CACNA1H: variants seen among roughly 807,000 people sequenced by gnomAD.
CACNA1H encodes voltage-dependent T-type calcium channel subunit alpha-1H.
A neutral mutation model predicts 192.5 loss-of-function variants in CACNA1H; 149 were observed. That is an observed-to-expected ratio of 0.77 (90% CI 0.68 to 0.89). CACNA1H has a LOEUF of 0.89. Ranked by LOEUF, CACNA1H falls within the 40% of genes least tolerant of loss-of-function variation. The pLI, the probability that CACNA1H is intolerant of heterozygous loss-of-function variation, is 0.00. For missense variants in CACNA1H, 4,257 were observed against 3,423.5 expected, an observed-to-expected ratio of 1.24 and a Z score of -6.08; for synonymous variants, 2,202 against 1,475.2, an observed-to-expected ratio of 1.49 and a Z score of -11.29.
In CACNA1H at chr16:1,190,487, A is replaced by G. The variant is rs187948789; in HGVS notation, c.300-4485A>G. On this transcript the variant is annotated intron_variant, in intron 2 of 34. Coordinates refer to ENST00000348261, the MANE Select transcript of CACNA1H (RefSeq NM_021098.3). ...TGTGCGGGATGTGGGACCTCGGCTG[A>G]CTGCTCCCCTCTCTAGGCAGAGCCC... 1.1e-3 allele frequency among the ~76,000 whole-genome samples: 170 copies of G among 152,250 alleles called. 1 individual carries two copies. The highest frequency in any genetic ancestry group is 3.6e-3 in the African/African-American group (151 of 41,526).
In CACNA1H at chr16:1,214,258, G is replaced by A. The variant is rs542406855; in HGVS notation, c.4929+327G>A. Among the ~76,000 whole-genome samples, 5 of 152,348 alleles carry A rather than the reference G, an allele frequency of 3.3e-5. No homozygotes were observed. The East Asian group carries it at 9.7e-4, about 29-fold the overall frequency. ...GGGAGCCAGGCAGGCCTGAGGTGGA[G>A]TTTTTCTTTATTCGGGTCCCCCTGC... On this transcript the variant is annotated intron_variant, in intron 27 of 34. Transcript: ENST00000348261.
rs770940830 is a variant in CACNA1H at position 1,205,231 on chromosome 16, TACA to T, written c.2573_2575del (p.Asn858del). On this transcript the variant is annotated inframe_deletion, in exon 11 of 35. Coordinates refer to ENST00000348261, the MANE Select transcript of CACNA1H (RefSeq NM_021098.3). ...CCCTCTGGGCTACATCCGGAACCCGTACAACATCTTCGACGGCATCATCGTGGT... is the reference window on the plus strand; with the variant it reads ...CCCTCTGGGCTACATCCGGAACCCGTACATCTTCGACGGCATCATCGTGGT... 1 of 1,611,834 alleles carries T rather than the reference TACA, an allele frequency of 6.2e-7. No homozygotes were observed. The highest frequency in any genetic ancestry group is 2.2e-5 in the East Asian group (1 of 44,844).
chr16:1,220,102 C>G lies in CACNA1H; in HGVS notation c.6170C>G (p.Ser2057Cys). ...GTGACCCAGGGGGGCTCCCTGCAGT[C>G]CCCACCACGCTCCCCACGGCCCGCC... ...RPVTQGGSLQ[S>C]PPRSPRPASV... The change falls in exon 35 of 35, where the codon TCC (serine) becomes TGC (cysteine). Residue 2057 changes from serine to cysteine, a missense_variant. By Grantham distance (112) the Ser-to-Cys change is moderately radical. Coordinates refer to ENST00000348261, the MANE Select transcript of CACNA1H (RefSeq NM_021098.3). The G allele has an allele frequency of 4.0e-6, 6 of 1,485,208 alleles. No individual in the cohort carries two copies. The highest frequency in any genetic ancestry group is 5.4e-6 in the Non-Finnish European group (6 of 1,120,126). 92.0% of individuals were successfully genotyped at this position (1,485,208 alleles called of 1,614,324 possible).
chr16:1,163,080 C>T (rs957857576), intron 2 of CACNA1H, among the ~76,000 whole-genome samples: 2 of 152,262 alleles, frequency 1.3e-5, no homozygotes, highest in Non-Finnish European at 2.9e-5. Context: ...ACTCGTCACC[C>T]AGCCTCTCTG....
In CACNA1H at chr16:1,220,991, G is replaced by A. The variant is rs1970444335; in HGVS notation, c.7059G>A (p.Val2353=). The part of the protein sequence containing the change: ...PAPGGGADDP[V] ...CAGGGGGTGGTGCAGATGACCCCGT[G>A]TAGCTCGGGGCTTGGTGCCGCCCAC... Residue 2353 remains valine (V), a synonymous_variant, in exon 35 of 35, where the codon GTG becomes GTA. Coordinates refer to ENST00000348261, the MANE Select transcript of CACNA1H (RefSeq NM_021098.3). 1.3e-6 allele frequency: 2 copies of A among 1,572,466 alleles called. No homozygotes were observed. The highest frequency in any genetic ancestry group is 4.5e-5 in the East Asian group (2 of 44,326).
At position 1,174,849 on chromosome 16, in the gene CACNA1H, C is replaced by G. The variant is rs569688235; in HGVS notation, c.300-20123C>G. ...GCGTGGCCCTGGCCTCGAGGCTCCC[C>G]GGGGCCCAGGTCTGCAGCCAGCTGG... is the stretch of plus-strand genomic sequence containing the variant. On this transcript the variant is annotated intron_variant, in intron 2 of 34. Coordinates refer to ENST00000348261, the MANE Select transcript of CACNA1H (RefSeq NM_021098.3). Among the ~76,000 whole-genome samples the G allele has an allele frequency of 3.9e-5, 6 of 152,318 alleles. No homozygotes were observed. In the South Asian group the frequency reaches 1.2e-3, roughly 32 times the overall value.
chr16:1,209,604 C>T, intron 17 of CACNA1H, 192 bp downstream of exon 17: 1 of 694,466 alleles, frequency 1.4e-6, no homozygotes, highest in Non-Finnish European at 2.3e-6. Context: ...CCCAGAGTCC[C>T]CCCTCTGCCG....
chr16:1,211,439 G>T (rs775114228), intron 22 of CACNA1H, 42 bp from the exon 23 acceptor site: 2 of 1,611,424 alleles, frequency 1.2e-6, no homozygotes, highest in East Asian at 2.2e-5. Context: ...GTGGGGTGGG[G>T]CACAGGCCAG....
chr16:1,205,672 G>A (rs544086255), intron 11 of CACNA1H, among the ~76,000 whole-genome samples: 1 of 152,208 alleles, frequency 6.6e-6, no homozygotes, highest in African/African-American at 2.4e-5. Flanking sequence ...AAAGGATTGG[G>A]AAAATTTGAG....
Position 1,206,279 on chromosome 16 carries a change from T to C in CACNA1H, c.2779T>C (p.Phe927Leu). Residue 927 changes from phenylalanine to leucine, a missense_variant, in exon 12 of 35, where the codon TTC becomes CTC. Transcript: ENST00000348261. ...CTGCACGCTGCTCATGCTCTTCATTTTCATCTTCAGGTGGGCGCAACCCCC... is the reference window on the plus strand; with the variant it reads ...CTGCACGCTGCTCATGCTCTTCATTCTCATCTTCAGGTGGGCGCAACCCCC... ...TFCTLLMLFI[F>L]IFSILGMHLF... is the part of the protein sequence containing the mutation. 6.4e-7 allele frequency: 1 copy of C among 1,557,130 alleles called. No homozygotes were observed. The highest frequency in any genetic ancestry group is 1.9e-5 in the Admixed American group (1 of 52,266).
chr16:1,203,230 G>A lies in CACNA1H; in HGVS notation c.2002+778G>A, dbSNP rs116892110. Among the ~76,000 whole-genome samples the A allele has an allele frequency of 1.0e-2, 1,518 of 152,256 alleles. 11 individuals are homozygous for A. Among genetic ancestry groups the A allele is most frequent in the South Asian group, 0.024 (116 of 4,824 alleles). ...GTCCAGCCGCTGTGTGTTATAAGAG[G>A]CACACGGGCTCCAAAGACAGCACGA... On this transcript the variant is annotated intron_variant, in intron 9 of 34. Coordinates refer to ENST00000348261, the MANE Select transcript of CACNA1H (RefSeq NM_021098.3).
chr16:1,213,642 C>A, intron 26 of CACNA1H, 138 bp from the exon 27 acceptor site: 2 of 585,738 alleles, frequency 3.4e-6, no homozygotes, highest in Non-Finnish European at 5.8e-6. Context: ...TGAGGCAGGG[C>A]CAGCCCCATC....
chr16:1,201,207 C>T lies in CACNA1H; in HGVS notation c.1212+399C>T, dbSNP rs116151530. Reference sequence around the variant, plus strand: ...TGTGGGGTCCTAGGTATACCTAGAGCCACCCTGCGGGGACCTAGTAGGTAA... The same window carrying T: ...TGTGGGGTCCTAGGTATACCTAGAGTCACCCTGCGGGGACCTAGTAGGTAA... On this transcript the variant is annotated intron_variant, in intron 8 of 34. Coordinates refer to ENST00000348261, the MANE Select transcript of CACNA1H (RefSeq NM_021098.3). Among the ~76,000 whole-genome samples, 983 of 152,248 alleles carry T rather than the reference C, an allele frequency of 6.5e-3. 13 individuals are homozygous for T. Among genetic ancestry groups the T allele is most frequent in the African/African-American group, 0.022 (904 of 41,524 alleles).
chr16:1,154,831 G>A (rs1489397316), intron 2 of CACNA1H, among the ~76,000 whole-genome samples: 1 of 152,224 alleles, frequency 6.6e-6, no homozygotes, highest in Admixed American at 6.5e-5. Flanking sequence ...GATGTACACG[G>A]AGGTCCAGGG....
intron 10 of CACNA1H, 37 bp from the exon 11 acceptor site, chr16:1,205,077 G>T: frequency 1.3e-6 from 2 of 1,577,256 alleles, no homozygotes; most frequent in South Asian, 1.1e-5. Flanking sequence ...GGAGCCGCGG[G>T]TGCGGCCTCC....
intron 31 of CACNA1H, 79 bp downstream of exon 31, chr16:1,217,089 G>A (rs1020564431): frequency 2.4e-6 from 3 of 1,238,088 alleles, no homozygotes; most frequent in African/African-American, 3.0e-5. Flanking sequence ...TCACACGCAG[G>A]CACATGCTTG....
Position 1,156,578 on chromosome 16 carries a change from G to A in CACNA1H, c.299+2542G>A, listed in dbSNP as rs530607019. ...GACTGGTGTGGCTGGGGTGTGTCCCGTAGCAAGAGGGTGCTTCCTGGGCCT... is the reference window on the plus strand; with the variant it reads ...GACTGGTGTGGCTGGGGTGTGTCCCATAGCAAGAGGGTGCTTCCTGGGCCT... On this transcript the variant is annotated intron_variant, in intron 2 of 34. Transcript: ENST00000348261. Among the ~76,000 whole-genome samples the A allele has an allele frequency of 1.1e-4, 17 of 152,216 alleles. No homozygotes were observed. The East Asian group carries it at 1.4e-3, about 12-fold the overall frequency.
intron 10 of CACNA1H, 83 bp downstream of exon 10, chr16:1,204,541 G>A (rs563331272): frequency 6.3e-5 from 70 of 1,116,210 alleles, no homozygotes; most frequent in Middle Eastern, 2.7e-4. Flanking sequence ...CAGCAGCCCC[G>A]ATGCCTGACC....
chr16:1,208,327 T>C, intron 16 of CACNA1H, 106 bp downstream of exon 16: 1 of 770,472 alleles, frequency 1.3e-6, no homozygotes, highest in Non-Finnish European at 2.1e-6. Flanking sequence ...CCCCACACCC[T>C]TGAAGTCCCA....
Sources: allele counts gnomAD v4.1 joint callset (sites outside exome capture counted in the v4.1 genomes callset), GRCh38; gene constraint gnomAD v4.1.1; transcripts MANE v1.5; gene names NCBI Gene and HGNC (gene_info 2026-07-23, HGNC 2026-07-21).